ADAMTSL1: variants seen among roughly 807,000 people sequenced by gnomAD.
ADAMTSL1 encodes the protein ADAMTS like 1.
In ADAMTSL1, 126 loss-of-function variants were observed where a neutral mutation model predicts 201.8. That is an observed-to-expected ratio of 0.62 (90% CI 0.54 to 0.72). The LOEUF is 0.72. Ranked by LOEUF, ADAMTSL1 falls within the 30% of genes least tolerant of loss-of-function variation. The pLI, the probability that ADAMTSL1 is intolerant of heterozygous loss-of-function variation, is 0.00. For synonymous variants in ADAMTSL1, 1,121 were observed against 903.4 expected, an observed-to-expected ratio of 1.24 and a Z score of -4.32; for missense variants, 2,679 against 2,277.8, an observed-to-expected ratio of 1.18 and a Z score of -3.59.
At chr9:18,510,527 G>A (rs572672494) in intron 2 of ADAMTSL1, among the ~76,000 whole-genome samples, 30 of 152,222 alleles carry the variant, frequency 2.0e-4, no homozygotes, top group African/African-American at 6.7e-4. Flanking sequence ...TTTTTCTGAG[G>A]TTTGCAGAAA....
intron 2 of ADAMTSL1, among the ~76,000 whole-genome samples, chr9:18,273,591 A>G (rs541341543): frequency 1.3e-5 from 2 of 152,226 alleles, no homozygotes; most frequent in Non-Finnish European, 2.9e-5. Context: ...TTGAAAATAT[A>G]TTCTCAACAA....
intron 13 of ADAMTSL1, among the ~76,000 whole-genome samples, chr9:18,693,878 T>C (rs1161452149): frequency 3.3e-5 from 5 of 152,188 alleles, no homozygotes; most frequent in Admixed American, 2.0e-4. Context: ...TGAGGGTCAG[T>C]GCATTAGTCT....
intron 1 of ADAMTSL1, among the ~76,000 whole-genome samples, chr9:18,092,908 A>G (rs1013621133): frequency 6.6e-6 from 1 of 152,236 alleles, no homozygotes; most frequent in Non-Finnish European, 1.5e-5. Flanking sequence ...TTCATTTACA[A>G]AATGGACTTG....
intron 2 of ADAMTSL1, among the ~76,000 whole-genome samples, chr9:18,202,457 A>G (rs539220244): frequency 7.2e-4 from 110 of 152,338 alleles, no homozygotes; most frequent in African/African-American, 2.5e-3. Context: ...TGATGATCCC[A>G]GAAACATTTT....
At chr9:18,732,049 C>G (rs888754711) in intron 15 of ADAMTSL1, among the ~76,000 whole-genome samples, 8 of 152,150 alleles carry the variant, frequency 5.3e-5, no homozygotes, top group Non-Finnish European at 1.2e-4. Flanking sequence ...ATAATTATCC[C>G]AACCACAGAG....
At chr9:18,544,904 A>G (rs1820382881) in intron 3 of ADAMTSL1, among the ~76,000 whole-genome samples, 1 of 152,224 alleles carries the variant, frequency 6.6e-6, no homozygotes, top group African/African-American at 2.4e-5. Flanking sequence ...TCAACTGATG[A>G]AGAGAATTAA....
At chr9:18,656,498 A>G (rs998434979) in intron 7 of ADAMTSL1, among the ~76,000 whole-genome samples, 4 of 151,836 alleles carry the variant, frequency 2.6e-5, no homozygotes, top group African/African-American at 7.3e-5. Context: ...GCATGGTGGC[A>G]GGCGTCTGTA....
intron 9 of ADAMTSL1, among the ~76,000 whole-genome samples, chr9:18,671,880 A>G (rs1028142895): frequency 7.2e-5 from 11 of 152,078 alleles, no homozygotes; most frequent in Non-Finnish European, 1.6e-4. Context: ...TACTAAAAAT[A>G]CAAAAAATTA....
At chr9:17,906,698 G>C (rs935143841) in exon 1 of ADAMTSL1, 2 of 152,612 alleles carry the variant, frequency 1.3e-5, no homozygotes, top group Admixed American at 6.5e-5. Flanking sequence ...CCCCAGCGCA[G>C]CTCTGTCTCG....
At chr9:18,465,557 G>A (rs756158899) in intron 2 of ADAMTSL1, among the ~76,000 whole-genome samples, 6 of 152,112 alleles carry the variant, frequency 3.9e-5, no homozygotes, top group Non-Finnish European at 8.8e-5. Flanking sequence ...CTTTATGGGC[G>A]TTTCTTGGAA....
rs1397991845 is a variant in ADAMTSL1 at position 18,647,345 on chromosome 9, G to T, written c.834+7934G>T. ...GATCCTTTCAAAAAACCAGCTCCTGGATTCATTAATTTTTTGAAGGGTTTT... is the reference window on the plus strand; with the variant it reads ...GATCCTTTCAAAAAACCAGCTCCTGTATTCATTAATTTTTTGAAGGGTTTT... On this transcript the variant is annotated intron_variant, in intron 7 of 28. Transcript: ENST00000380548. Among the ~76,000 whole-genome samples the T allele has an allele frequency of 5.7e-5, 8 of 140,880 alleles. No individual in the cohort carries two copies. The East Asian group carries it at 1.8e-3, about 32-fold the overall frequency. 92.4% of individuals were successfully genotyped at this position (140,880 alleles called of 152,430 possible).
chr9:18,892,022 TATGGCCACATCACTCCACATTCAGCCTTC>T (rs1476970070), intron 25 of ADAMTSL1, among the ~76,000 whole-genome samples: 5 of 152,184 alleles, frequency 3.3e-5, no homozygotes, highest in African/African-American at 9.7e-5. Context: ...CCAGGTGGCT[TATGGCCACATCACTCCACATTCAGCCTTC>T]ATGGTCACAT....
In ADAMTSL1 at chr9:18,604,626, G is replaced by C. The variant is rs1236292465; in HGVS notation, c.475-17617G>C. 6.6e-5 allele frequency among the ~76,000 whole-genome samples: 10 copies of C among 152,178 alleles called. No homozygotes were observed. The East Asian group carries it at 1.7e-3, about 26-fold the overall frequency. On this transcript the variant is annotated intron_variant, in intron 4 of 28. Transcript: ENST00000380548. ...TTTTAGAGCTGAATAATATTTTGTT[G>C]TATGAATATATAACATTTTATCCAT...
At chr9:18,657,857 G>C (rs1828800755) in intron 8 of ADAMTSL1, 107 bp downstream of exon 8, 1 of 880,460 alleles carries the variant, frequency 1.1e-6, no homozygotes, top group Admixed American at 2.1e-5. Flanking sequence ...TGCTGTCTTG[G>C]ACCAGATCCT....
intron 2 of ADAMTSL1, among the ~76,000 whole-genome samples, chr9:18,233,833 G>A (rs1830738064): frequency 6.6e-6 from 1 of 152,192 alleles, no homozygotes; most frequent in South Asian, 2.1e-4. Context: ...AAAGGTTTGT[G>A]TGGCCCTGGG....
chr9:17,982,397 G>A (rs1260464077), intron 1 of ADAMTSL1, among the ~76,000 whole-genome samples: 1 of 152,050 alleles, frequency 6.6e-6, no homozygotes, highest in African/African-American at 2.4e-5. Flanking sequence ...GGTGGATCAC[G>A]AAGTAAGGAG....
At chr9:18,662,401 G>T (rs116010140) in intron 9 of ADAMTSL1, among the ~76,000 whole-genome samples, 1 of 152,044 alleles carries the variant, frequency 6.6e-6, no homozygotes, top group Non-Finnish European at 1.5e-5. Context: ...ACCACTCAAC[G>T]TTCTTAACCA....
intron 1 of ADAMTSL1, among the ~76,000 whole-genome samples, chr9:17,972,662 C>G (rs1212149745): frequency 6.6e-6 from 1 of 151,556 alleles, no homozygotes; most frequent in Admixed American, 6.6e-5. Flanking sequence ...GATTTATAGT[C>G]CTTTGGGTAT....
chr9:18,520,711 C>A (rs975745966), intron 2 of ADAMTSL1, among the ~76,000 whole-genome samples: 2 of 152,182 alleles, frequency 1.3e-5, no homozygotes, highest in Non-Finnish European at 2.9e-5. Context: ...TGATGCCTGG[C>A]AGCATGCCAC....
Sources: gnomAD v4.1 joint callset for allele counts (sites outside exome capture counted in the v4.1 genomes callset) on GRCh38, gnomAD v4.1.1 for gene constraint, MANE v1.5 for transcripts, NCBI Gene and HGNC (gene_info 2026-07-23, HGNC 2026-07-21) for gene names.